The following SPDYA variants were observed in gnomAD, a reference collection of about 807,000 sequenced individuals.
The protein encoded by SPDYA is speedy/RINGO cell cycle regulator family member A.
Under a neutral mutation model 36.7 loss-of-function variants are expected in SPDYA, and 11 were observed. The ratio of observed to expected loss-of-function variants is 0.30; its 90% confidence interval spans 0.19 to 0.50. The LOEUF is 0.50. Ranked by LOEUF, SPDYA falls within the 20% of genes least tolerant of loss-of-function variation. SPDYA has a pLI of 0.98. For synonymous variants in SPDYA, 115 were observed against 118.7 expected (o/e 0.97, Z 0.20); for missense variants, 287 against 370.9 (o/e 0.77, Z 1.86).
At chr2:28,825,466 A>G (rs965060976) in intron 5 of SPDYA, among the ~76,000 whole-genome samples, 2 of 152,162 alleles carry the variant, frequency 1.3e-5, no homozygotes, top group Admixed American at 6.5e-5. Context: ...AAGACTAATC[A>G]TACTTTTTGT....
intron 5 of SPDYA, among the ~76,000 whole-genome samples, chr2:28,825,068 G>A (rs987524434): frequency 1.3e-5 from 2 of 152,142 alleles, no homozygotes; most frequent in African/African-American, 4.8e-5. Flanking sequence ...AGGAAACTGA[G>A]AGGAAGATTA....
At chr2:28,830,954 A>G (rs1413099766) in intron 6 of SPDYA, among the ~76,000 whole-genome samples, 3 of 152,222 alleles carry the variant, frequency 2.0e-5, no homozygotes, top group Admixed American at 6.5e-5. Context: ...ATAAATGTTG[A>G]TATACTTGCA....
intron 4 of SPDYA, among the ~76,000 whole-genome samples, chr2:28,821,291 C>T (rs1668157891): frequency 6.7e-6 from 1 of 150,328 alleles, no homozygotes. Flanking sequence ...CCTCCGCCTC[C>T]CGGGTTCAAG....
At chr2:28,820,122 A>G (rs1230135673) in intron 4 of SPDYA, among the ~76,000 whole-genome samples, 1 of 151,804 alleles carries the variant, frequency 6.6e-6, no homozygotes, top group Non-Finnish European at 1.5e-5. Flanking sequence ...TCTGAGATTT[A>G]CTTTACTAAG....
chr2:28,847,700 C>T (rs184043137), intron 7 of SPDYA, among the ~76,000 whole-genome samples: 56 of 147,000 alleles, frequency 3.8e-4, no homozygotes, highest in African/African-American at 1.3e-3. Context: ...GAGCCAAGAT[C>T]GTGTCACTGC....
At chr2:28,824,540 C>CT (rs1668268686) in intron 5 of SPDYA, among the ~76,000 whole-genome samples, 2 of 54,096 alleles carry the variant, frequency 3.7e-5, no homozygotes, top group Admixed American at 2.9e-4. Flanking sequence ...TTTTCTTTTT[C>CT]TTTTCTTTCT....
At chr2:28,836,980 G>T (rs1668620154) in intron 6 of SPDYA, among the ~76,000 whole-genome samples, 1 of 152,140 alleles carries the variant, frequency 6.6e-6, no homozygotes, top group Non-Finnish European at 1.5e-5. Flanking sequence ...TAATCAAGAA[G>T]TTTTTCTCTA....
chr2:28,848,215 C>T (rs996434886), intron 7 of SPDYA, among the ~76,000 whole-genome samples: 8 of 152,230 alleles, frequency 5.3e-5, no homozygotes, highest in African/African-American at 1.7e-4. Context: ...CTGATTCAAT[C>T]ACTTGTCTAA....
intron 5 of SPDYA, among the ~76,000 whole-genome samples, chr2:28,824,966 T>A (rs1296279160): frequency 1.3e-5 from 2 of 152,244 alleles, no homozygotes; most frequent in African/African-American, 2.4e-5. Context: ...CTGAGTACTA[T>A]GTGCAAGGCA....
At chr2:28,844,710 G>T (rs944018679) in intron 7 of SPDYA, among the ~76,000 whole-genome samples, 3 of 152,034 alleles carry the variant, frequency 2.0e-5, no homozygotes, top group Non-Finnish European at 4.4e-5. Flanking sequence ...GAGGCGGGTG[G>T]ATCACCTGAG....
Position 28,850,385 on chromosome 2 carries a change from G to GA in SPDYA, c.*448dup. ...GCAACATAGGGAAATGATCCATATG[G>GA]AAAATCAGAATGCGATTCTTCTGTT... On this transcript the variant is annotated 3_prime_UTR_variant, in exon 8 of 8. Coordinates refer to ENST00000334056, the MANE Select transcript of SPDYA (RefSeq NM_182756.4). The GA allele has an allele frequency of 1.2e-6, 2 of 1,606,420 alleles. No homozygotes were observed. Among genetic ancestry groups the GA allele is most frequent in the Non-Finnish European group, 1.7e-6 (2 of 1,175,998 alleles).
chr2:28,829,373 T>C lies in SPDYA; in HGVS notation c.552+54T>C. The C allele has an allele frequency of 1.3e-6, 2 of 1,541,066 alleles. 1 individual carries two copies. The highest frequency in any genetic ancestry group is 2.5e-5 in the South Asian group (2 of 80,800). ...TAATCTTTGTTTTCTGTTTATCTTA[T>C]TATCCTTGTTTTTTAATGTGCTTCT... On this transcript the variant is annotated intron_variant, in intron 6 of 7. Transcript: ENST00000334056.
At chr2:28,830,690 C>T (rs1052464733) in intron 6 of SPDYA, among the ~76,000 whole-genome samples, 4 of 152,130 alleles carry the variant, frequency 2.6e-5, no homozygotes, top group African/African-American at 7.2e-5. Context: ...CTATTTAACA[C>T]ATATATTAAA....
At chr2:28,836,657 T>G (rs762410711) in intron 6 of SPDYA, among the ~76,000 whole-genome samples, 1 of 152,234 alleles carries the variant, frequency 6.6e-6, no homozygotes. Flanking sequence ...ATTTCCCTTT[T>G]GGGTCTAAGC....
chr2:28,835,642 A>C (rs1305275261), intron 6 of SPDYA, among the ~76,000 whole-genome samples: 4 of 152,216 alleles, frequency 2.6e-5, no homozygotes, highest in Non-Finnish European at 4.4e-5. Context: ...ATTCTTTTTC[A>C]TACCTTCTTA....
chr2:28,846,736 C>T (rs1361651706), intron 7 of SPDYA, among the ~76,000 whole-genome samples: 1 of 148,920 alleles, frequency 6.7e-6, no homozygotes, highest in Admixed American at 6.7e-5. Context: ...CACACACACA[C>T]ACACACACAC....
At position 28,850,385 on chromosome 2, in the gene SPDYA, G is replaced by GTCT; in HGVS notation, c.*444_*445insTCT. On this transcript the variant is annotated 3_prime_UTR_variant, in exon 8 of 8. Coordinates refer to ENST00000334056, the MANE Select transcript of SPDYA (RefSeq NM_182756.4). ...GCAACATAGGGAAATGATCCATATGGAAAATCAGAATGCGATTCTTCTGTT... is the reference window on the plus strand; with the variant it reads ...GCAACATAGGGAAATGATCCATATGGTCTAAAATCAGAATGCGATTCTTCTGTT... 6.2e-7 allele frequency: 1 copy of GTCT among 1,606,420 alleles called. No homozygotes were observed. The highest frequency in any genetic ancestry group is 8.5e-7 in the Non-Finnish European group (1 of 1,175,998).
intron 7 of SPDYA, chr2:28,840,930 G>GTTTTTTTTTTTT (rs70956054): frequency 8.8e-6 from 1 of 114,256 alleles, no homozygotes; most frequent in Non-Finnish European, 1.6e-5. Flanking sequence ...TCCAAAACCA[G>GTTTTTTTTTTTT]TTTTTTTTTT....
intron 5 of SPDYA, among the ~76,000 whole-genome samples, chr2:28,824,577 C>T (rs1250733859): frequency 2.8e-5 from 1 of 35,624 alleles, no homozygotes; most frequent in African/African-American, 1.6e-4. Context: ...GACAGAGTCT[C>T]TCTCTGTTGC....
Sources: allele counts gnomAD v4.1 joint callset (sites outside exome capture counted in the v4.1 genomes callset), GRCh38; gene constraint gnomAD v4.1.1; transcripts MANE v1.5; gene names NCBI Gene and HGNC (gene_info 2026-07-23, HGNC 2026-07-21).